MICAL3: variants seen among roughly 807,000 people sequenced by gnomAD.
MICAL3 encodes the protein [F-actin]-monooxygenase MICAL3.
In MICAL3, 62 loss-of-function variants were observed where a neutral mutation model predicts 207.4. That is an observed-to-expected ratio of 0.30 (90% CI 0.24 to 0.37). MICAL3 has a LOEUF of 0.37. Among genes scored for constraint, MICAL3 ranks in the 10% least tolerant of loss-of-function variants. The pLI is 1.00. For missense variants in MICAL3, 2,368 were observed against 2,635.6 expected, an observed-to-expected ratio of 0.90 and a Z score of 2.22; for synonymous variants, 1,077 against 1,069.3, an observed-to-expected ratio of 1.01 and a Z score of -0.14.
chr22:17,894,106 T>C (rs114300118), intron 10 of MICAL3, among the ~76,000 whole-genome samples: 324 of 152,238 alleles, frequency 2.1e-3, no homozygotes, highest in African/African-American at 7.4e-3. Flanking sequence ...CTGTGGGACT[T>C]TGTGCTAGAA....
chr22:17,976,578 TA>T lies in MICAL3; in HGVS notation c.-75+47702del, dbSNP rs1313726249. 6.1e-3 allele frequency among the ~76,000 whole-genome samples: 619 copies of T among 101,858 alleles called. 23 individuals carry two copies. The highest frequency in any genetic ancestry group is 0.022 in the African/African-American group (495 of 22,558). The allele number at this position is 101,858 out of a possible 152,430, so 66.8% of individuals were successfully genotyped here. Reference sequence around the variant, plus strand: ...GTGTGTGTGTATATATATATATATATATATATATATATTTTTTTTTTTTTTT... The same window carrying T: ...GTGTGTGTGTATATATATATATATATTATATATATATTTTTTTTTTTTTTT... On this transcript the variant is annotated intron_variant, in intron 1 of 31. Transcript: ENST00000441493.
At chr22:17,949,349 T>C (rs1243910620) in intron 1 of MICAL3, among the ~76,000 whole-genome samples, 4 of 152,186 alleles carry the variant, frequency 2.6e-5, no homozygotes, top group Non-Finnish European at 5.9e-5. Context: ...TTCACCTGCA[T>C]TATCTCATTT....
intron 19 of MICAL3, 107 bp from the exon 20 acceptor site, chr22:17,842,124 G>T (rs1028101335): frequency 1.8e-6 from 2 of 1,099,218 alleles, no homozygotes; most frequent in Non-Finnish European, 2.6e-6. Context: ...ATGTGGGGCA[G>T]GACAAAGGTC....
rs530010304 is a variant in MICAL3 at position 17,991,474 on chromosome 22, T to G, written c.-75+32807A>C. On this transcript the variant is annotated intron_variant, in intron 1 of 31. Transcript: ENST00000441493. ...GTTTATTTTGAAGATAAATCCACGT[T>G]TCCATACATCAATTTTGCCTGAAGG... Among the ~76,000 whole-genome samples the G allele has an allele frequency of 1.4e-4, 22 of 152,332 alleles. No individual in the cohort carries two copies. The South Asian group carries it at 4.6e-3, about 32-fold the overall frequency.
intron 1 of MICAL3, among the ~76,000 whole-genome samples, chr22:18,011,971 A>G (rs1189637369): frequency 1.3e-5 from 2 of 151,960 alleles, no homozygotes. Context: ...CTGGTGGCTC[A>G]CACCTGTAAT....
intron 1 of MICAL3, among the ~76,000 whole-genome samples, chr22:17,925,967 A>C (rs946560663): frequency 6.6e-6 from 1 of 152,238 alleles, no homozygotes; most frequent in African/African-American, 2.4e-5. Flanking sequence ...TCAAAGAAAT[A>C]AAATAAAATT....
chr22:17,922,999 C>T (rs1932835223), intron 1 of MICAL3, among the ~76,000 whole-genome samples: 1 of 152,130 alleles, frequency 6.6e-6, no homozygotes, highest in Admixed American at 6.5e-5. Flanking sequence ...GGATCAAATG[C>T]TTCTCCAAGC....
rs999121768 is a variant in MICAL3 at position 17,875,518 on chromosome 22, G to C, written c.2242-3495C>G. 3 of 1,554,640 alleles carry C rather than the reference G, an allele frequency of 1.9e-6. No individual in the cohort carries two copies. In the Admixed American group the frequency reaches 6.1e-5, roughly 31 times the overall value. ...CGGAGACTAAGAGAAAGCTCCCACT[G>C]GTCGACAAAAAATCGACGAGGAGGT... On this transcript the variant is annotated intron_variant, in intron 16 of 31. Transcript: ENST00000441493.
intron 16 of MICAL3, chr22:17,875,595 T>C (rs1928223037): frequency 2.2e-6 from 3 of 1,345,900 alleles, no homozygotes; most frequent in Non-Finnish European, 3.1e-6. Flanking sequence ...GTAAAGGAAA[T>C]GTTAAATTAA....
At chr22:17,831,185 C>A (rs1029447162) in intron 21 of MICAL3, among the ~76,000 whole-genome samples, 6 of 152,206 alleles carry the variant, frequency 3.9e-5, no homozygotes, top group African/African-American at 1.4e-4. Flanking sequence ...GTCTTCACCA[C>A]CCCCCAGACT....
chr22:17,983,435 C>G (rs1041389875), intron 1 of MICAL3: 1 of 139,702 alleles, frequency 7.2e-6, no homozygotes, highest in African/African-American at 3.0e-5. Flanking sequence ...ATCCTCATGA[C>G]AGAACCCTGT....
At chr22:17,843,831 A>G (rs1430719412) in intron 19 of MICAL3, among the ~76,000 whole-genome samples, 1 of 151,610 alleles carries the variant, frequency 6.6e-6, no homozygotes, top group East Asian at 1.9e-4. Context: ...GCCATGTGGT[A>G]GCAGCCTGGT....
chr22:17,826,187 C>T (rs1345305155), intron 22 of MICAL3, among the ~76,000 whole-genome samples: 2 of 147,948 alleles, frequency 1.4e-5, no homozygotes, highest in Non-Finnish European at 3.0e-5. Context: ...TTGGCTTTGG[C>T]CTTTTTATCC....
chr22:17,817,781 G>A lies in MICAL3; in HGVS notation c.4880C>T (p.Ser1627Leu), dbSNP rs1350920797. Reference sequence around the variant, plus strand: ...CGCCTTGCGGGGCCTGGGGGCGCCTGAGGCCAGCTCCATCTGCTGCATCCT... The same window carrying A: ...CGCCTTGCGGGGCCTGGGGGCGCCTAAGGCCAGCTCCATCTGCTGCATCCT... Reference protein sequence around the residue: ...LSRMQQMELASGAPRPRKASS... With the variant: ...LSRMQQMELALGAPRPRKASS... The change falls in exon 26 of 32, where the codon TCA becomes TTA. Residue 1627 changes from serine (S) to leucine (L), a missense_variant. Physicochemically the swap from Ser to Leu is moderately radical, Grantham distance 145. Coordinates refer to ENST00000441493, the MANE Select transcript of MICAL3 (RefSeq NM_015241.3). 6.2e-7 allele frequency: 1 copy of A among 1,600,626 alleles called. No individual in the cohort carries two copies. The highest frequency in any genetic ancestry group is 2.2e-5 in the East Asian group (1 of 44,644).
At chr22:17,797,822 C>CG (rs1268770971) in intron 29 of MICAL3, among the ~76,000 whole-genome samples, 4 of 152,244 alleles carry the variant, frequency 2.6e-5, no homozygotes, top group Non-Finnish European at 5.9e-5. Flanking sequence ...CAGCAGAGGA[C>CG]GCAGAGGTGG....
chr22:17,885,025 G>A (rs973061131), intron 16 of MICAL3, among the ~76,000 whole-genome samples: 1 of 152,192 alleles, frequency 6.6e-6, no homozygotes, highest in Non-Finnish European at 1.5e-5. Context: ...TGAGATTTAT[G>A]AGACACTTCC....
At chr22:17,981,049 T>G (rs1427285919) in intron 1 of MICAL3, 4 of 365,194 alleles carry the variant, frequency 1.1e-5, no homozygotes, top group Non-Finnish European at 1.2e-5. Flanking sequence ...TGGCAAATGC[T>G]TAACAGACTG....
intron 13 of MICAL3, 35 bp from the exon 14 acceptor site, chr22:17,887,470 C>G (rs547909902): frequency 6.7e-7 from 1 of 1,495,554 alleles, no homozygotes; most frequent in Non-Finnish European, 9.3e-7. Flanking sequence ...CAAGCACAGC[C>G]CTTGAGGGCG....
At chr22:17,991,743 C>T (rs1284943721) in intron 1 of MICAL3, among the ~76,000 whole-genome samples, 1 of 152,084 alleles carries the variant, frequency 6.6e-6, no homozygotes. Flanking sequence ...CCAAGCAAAA[C>T]GGTATCTCAC....
Sources: allele counts gnomAD v4.1 joint callset (sites outside exome capture counted in the v4.1 genomes callset), GRCh38; gene constraint gnomAD v4.1.1; transcripts MANE v1.5; gene names NCBI Gene and HGNC (gene_info 2026-07-23, HGNC 2026-07-21).